The following XPO7 variants were observed in gnomAD, a reference collection of about 807,000 sequenced individuals.
XPO7 encodes exportin 7, also known as exportin-7.
Under a neutral mutation model 144.3 loss-of-function variants are expected in XPO7, and 21 were observed. The observed-to-expected ratio is 0.15, with a 90% confidence interval of 0.10 to 0.21. The LOEUF (loss-of-function observed/expected upper bound fraction) is 0.21. Ranked by LOEUF, XPO7 falls within the 10% of genes least tolerant of loss-of-function variation. XPO7 has a pLI of 1.00. For missense variants in XPO7, 808 were observed against 1,325.8 expected, an observed-to-expected ratio of 0.61 and a Z score of 6.06; for synonymous variants, 580 against 499.6, an observed-to-expected ratio of 1.16 and a Z score of -2.15.
chr8:21,925,633 C>A (rs1362869214), intron 1 of XPO7, among the ~76,000 whole-genome samples: 2 of 152,108 alleles, frequency 1.3e-5, no homozygotes, highest in Non-Finnish European at 2.9e-5. Context: ...ATATGCCAGG[C>A]ACCATGCTAA....
chr8:21,934,639 A>G (rs1322836095), intron 1 of XPO7, among the ~76,000 whole-genome samples: 1 of 152,216 alleles, frequency 6.6e-6, no homozygotes, highest in Non-Finnish European at 1.5e-5. Flanking sequence ...AAGAAATGAC[A>G]TGTTGAAAGT....
At chr8:22,004,080 A>C in intron 27 of XPO7, 50 bp downstream of exon 27, 1 of 1,606,748 alleles carries the variant, frequency 6.2e-7, no homozygotes, top group Middle Eastern at 1.7e-4. Flanking sequence ...GCTATTTTTC[A>C]AATCAACGAA....
chr8:21,959,150 C>A (rs1811638311), intron 1 of XPO7, among the ~76,000 whole-genome samples: 1 of 152,142 alleles, frequency 6.6e-6, no homozygotes, highest in South Asian at 2.1e-4. Context: ...AAAACAGAAT[C>A]TGCGAATAAC....
intron 1 of XPO7, among the ~76,000 whole-genome samples, chr8:21,956,680 T>A (rs958831618): frequency 6.6e-6 from 1 of 152,106 alleles, no homozygotes; most frequent in Non-Finnish European, 1.5e-5. Context: ...AATATTTTTG[T>A]CTCTGTCATC....
At chr8:21,954,836 A>C (rs1811483824) in intron 1 of XPO7, among the ~76,000 whole-genome samples, 1 of 152,194 alleles carries the variant, frequency 6.6e-6, no homozygotes, top group Non-Finnish European at 1.5e-5. Context: ...TCTGAACTTT[A>C]GAAGTCAGTT....
At chr8:21,950,520 TTAG>T (rs1252526044) in intron 1 of XPO7, among the ~76,000 whole-genome samples, 4 of 152,242 alleles carry the variant, frequency 2.6e-5, no homozygotes, top group Non-Finnish European at 5.9e-5. Flanking sequence ...TTGGGGAACA[TTAG>T]TGGTGTTTTC....
At chr8:21,976,200 C>T (rs1168794734) in intron 6 of XPO7, among the ~76,000 whole-genome samples, 156 bp from the exon 7 acceptor site, 1 of 152,168 alleles carries the variant, frequency 6.6e-6, no homozygotes, top group Non-Finnish European at 1.5e-5. Flanking sequence ...TTCATAGTCA[C>T]AGGTGATAGA....
At chr8:21,972,481 A>C (rs1812098606) in intron 5 of XPO7, among the ~76,000 whole-genome samples, 1 of 152,332 alleles carries the variant, frequency 6.6e-6, no homozygotes, top group South Asian at 2.1e-4. Flanking sequence ...CCATCTCAAA[A>C]AAAGCAAAAT....
At chr8:21,980,648 G>T (rs1190340654) in intron 9 of XPO7, among the ~76,000 whole-genome samples, 1 of 152,040 alleles carries the variant, frequency 6.6e-6, no homozygotes, top group African/African-American at 2.4e-5. Flanking sequence ...GGTGGCACGT[G>T]CCTGTAATCC....
intron 1 of XPO7, among the ~76,000 whole-genome samples, chr8:21,924,687 C>T (rs1466905715): frequency 1.3e-4 from 20 of 152,094 alleles, no homozygotes; most frequent in Admixed American, 1.3e-3. Flanking sequence ...TTAGGCCATT[C>T]ATGAACCTTG....
chr8:21,941,431 C>T (rs1027559049), intron 1 of XPO7, among the ~76,000 whole-genome samples: 2 of 152,126 alleles, frequency 1.3e-5, no homozygotes, highest in Non-Finnish European at 2.9e-5. Context: ...GGATTACAGG[C>T]AGGAGCCACT....
chr8:22,004,701 A>G (rs1813264418), intron 27 of XPO7, among the ~76,000 whole-genome samples: 1 of 151,968 alleles, frequency 6.6e-6, no homozygotes, highest in Non-Finnish European at 1.5e-5. Context: ...GCATTAAGAA[A>G]TGAGATGGCT....
intron 1 of XPO7, among the ~76,000 whole-genome samples, chr8:21,922,066 T>C (rs1810307287): frequency 6.6e-6 from 1 of 152,220 alleles, no homozygotes; most frequent in Non-Finnish European, 1.5e-5. Context: ...ATAACACTAA[T>C]CAAACGTGAA....
intron 9 of XPO7, among the ~76,000 whole-genome samples, chr8:21,980,574 C>G (rs1263319861): frequency 1.3e-5 from 2 of 152,108 alleles, no homozygotes; most frequent in African/African-American, 4.8e-5. Context: ...GAGCTCAAGA[C>G]CAGCCTGGCC....
intron 1 of XPO7, among the ~76,000 whole-genome samples, chr8:21,947,184 C>G (rs1226137138): frequency 1.3e-5 from 2 of 152,100 alleles, no homozygotes; most frequent in South Asian, 2.1e-4. Flanking sequence ...GGAGACAAAG[C>G]CAAAATAAGG....
chr8:21,929,238 A>G (rs1810562463), intron 1 of XPO7, among the ~76,000 whole-genome samples: 1 of 152,224 alleles, frequency 6.6e-6, no homozygotes, highest in African/African-American at 2.4e-5. Context: ...TTGCCGCTGA[A>G]CCAAAGGGAT....
chr8:21,985,787 T>C (rs1812559549), intron 13 of XPO7, 96 bp downstream of exon 13: 6 of 1,040,804 alleles, frequency 5.8e-6, no homozygotes, highest in Non-Finnish European at 8.9e-6. Flanking sequence ...AATCTGAACA[T>C]GCTAACTGCC....
At chr8:21,988,362 G>T in intron 15 of XPO7, 1 of 156,246 alleles carries the variant, frequency 6.4e-6, no homozygotes, top group Non-Finnish European at 1.4e-5. Flanking sequence ...TTCAGAGTTG[G>T]AGCTCCTAAT....
At chr8:21,929,273 A>G (rs1810563729) in intron 1 of XPO7, among the ~76,000 whole-genome samples, 1 of 152,260 alleles carries the variant, frequency 6.6e-6, no homozygotes, top group South Asian at 2.1e-4. Flanking sequence ...AACATAGGTT[A>G]TAGGATTGCT....
Sources: allele counts gnomAD v4.1 joint callset (sites outside exome capture counted in the v4.1 genomes callset), GRCh38; gene constraint gnomAD v4.1.1; transcripts MANE v1.5; gene names NCBI Gene and HGNC (gene_info 2026-07-23, HGNC 2026-07-21).